The following SULF2 variants were observed in gnomAD, a reference collection of about 807,000 sequenced individuals.
SULF2 encodes the protein extracellular sulfatase Sulf-2.
SULF2 carries 52 observed loss-of-function variants against 107.7 expected under a neutral mutation model. The observed-to-expected ratio is 0.48, with a 90% CI of 0.39 to 0.61. SULF2 has a LOEUF of 0.61. Among genes scored for constraint, SULF2 ranks in the 20% least tolerant of loss-of-function variants. The pLI is 0.00. For missense variants in SULF2, 993 were observed against 1,177.3 expected, an observed-to-expected ratio of 0.84 and a Z score of 2.29; for synonymous variants, 460 against 464.3, an observed-to-expected ratio of 0.99 and a Z score of 0.12.
chr20:47,729,868 C>A (rs2089547383), intron 3 of SULF2, among the ~76,000 whole-genome samples: 2 of 152,154 alleles, frequency 1.3e-5, no homozygotes, highest in Admixed American at 1.3e-4. Context: ...GAGGACGGCC[C>A]ACGCAGCAGC....
At chr20:47,772,768 T>C (rs1295666470) in intron 1 of SULF2, among the ~76,000 whole-genome samples, 1 of 152,138 alleles carries the variant, frequency 6.6e-6, no homozygotes, top group Non-Finnish European at 1.5e-5. Context: ...TTACGCCCTG[T>C]GCGTGGACGG....
At chr20:47,660,799 C>G (rs2087040214) in intron 18 of SULF2, among the ~76,000 whole-genome samples, 1 of 151,996 alleles carries the variant, frequency 6.6e-6, no homozygotes, top group African/African-American at 2.4e-5. Context: ...AAATATCTAT[C>G]TGGTTGGCAT....
chr20:47,729,932 A>G (rs1227972547), intron 3 of SULF2, among the ~76,000 whole-genome samples: 1 of 152,210 alleles, frequency 6.6e-6, no homozygotes, highest in African/African-American at 2.4e-5. Flanking sequence ...AACAAGTCTC[A>G]TTTGTTGGGG....
chr20:47,670,089 T>G (rs1375593566), intron 11 of SULF2, among the ~76,000 whole-genome samples: 2 of 152,172 alleles, frequency 1.3e-5, no homozygotes, highest in Non-Finnish European at 2.9e-5. Flanking sequence ...GATGAAGACA[T>G]TTGCTGCCTG....
At chr20:47,715,311 T>TC (rs1011724289) in intron 3 of SULF2, among the ~76,000 whole-genome samples, 1 of 151,944 alleles carries the variant, frequency 6.6e-6, no homozygotes, top group African/African-American at 2.4e-5. Flanking sequence ...CTCTCCCCTT[T>TC]CCCCCGACAT....
intron 10 of SULF2, among the ~76,000 whole-genome samples, chr20:47,674,740 G>T (rs77513685): frequency 0.22 from 33,353 of 152,096 alleles, 3,780 homozygotes; most frequent in Admixed American, 0.25. Context: ...GCTATGGCTG[G>T]GTGTGAGGCC....
chr20:47,782,503 C>G (rs1001203820), intron 1 of SULF2, among the ~76,000 whole-genome samples: 12 of 152,168 alleles, frequency 7.9e-5, no homozygotes, highest in Middle Eastern at 3.2e-3. Context: ...TTGAGAGAGG[C>G]CCCCATCTTC....
intron 3 of SULF2, among the ~76,000 whole-genome samples, chr20:47,725,016 A>C (rs1355121030): frequency 6.6e-6 from 1 of 152,250 alleles, no homozygotes; most frequent in African/African-American, 2.4e-5. Context: ...TAATGAAGAT[A>C]AATTTCAATA....
At chr20:47,768,734 A>C (rs557191766) in intron 1 of SULF2, among the ~76,000 whole-genome samples, 1 of 152,308 alleles carries the variant, frequency 6.6e-6, no homozygotes, top group East Asian at 1.9e-4. Context: ...CCTGGCTGTG[A>C]CTTGGGCCTT....
At chr20:47,765,371 C>CAAA (rs11478422) in intron 1 of SULF2, among the ~76,000 whole-genome samples, 2 of 138,262 alleles carry the variant, frequency 1.4e-5, no homozygotes, top group Non-Finnish European at 1.6e-5. Flanking sequence ...CAAAACAAAA[C>CAAA]AAAAAAAAAA....
rs1209445943 is a variant in SULF2, at chr20:47,672,412, C to T, written c.1381-19G>A. ...GCCACTTCTGAAAGACATGCCAGGG[C>T]CTCGGCCAGCTGCTCATCTGCTCCC... is the stretch of plus-strand genomic sequence containing the variant. On this transcript the variant is annotated intron_variant, in intron 10 of 20. Coordinates refer to ENST00000688720, the MANE Select transcript of SULF2 (RefSeq NM_001387048.1). The T allele has an allele frequency of 5.1e-6, 8 of 1,565,978 alleles. No individual in the cohort carries two copies. Among genetic ancestry groups the T allele is most frequent in the South Asian group, 1.2e-5 (1 of 85,890 alleles).
intron 4 of SULF2, among the ~76,000 whole-genome samples, chr20:47,701,690 A>G (rs999697791): frequency 9.2e-5 from 14 of 152,260 alleles, no homozygotes; most frequent in African/African-American, 3.4e-4. Flanking sequence ...CAATAAAAGT[A>G]GAAGAAATAA....
At chr20:47,774,214 C>T (rs1039196242) in intron 1 of SULF2, among the ~76,000 whole-genome samples, 4 of 152,182 alleles carry the variant, frequency 2.6e-5, no homozygotes, top group East Asian at 1.9e-4. Context: ...AATTAGCAGC[C>T]GGAAATAGAC....
intron 2 of SULF2, among the ~76,000 whole-genome samples, chr20:47,740,840 G>C (rs751409340): frequency 2.6e-5 from 4 of 151,974 alleles, no homozygotes; most frequent in Admixed American, 6.6e-5. Flanking sequence ...TTCGGCTGTC[G>C]ATTAGACCTC....
In SULF2 at chr20:47,676,632, C is replaced by CA; in HGVS notation, c.1251-10dup. On this transcript the variant is annotated splice_polypyrimidine_tract_variant and intron_variant, in intron 9 of 20. Coordinates refer to ENST00000688720, the MANE Select transcript of SULF2 (RefSeq NM_001387048.1). ...TCTTGTGTAGCAGCTTGCTATGGGG[C>CA]AGAGAGCAGGAGCCGCGGGGCCGGC... 1 of 1,549,710 alleles carries CA rather than the reference C, an allele frequency of 6.5e-7. No individual in the cohort carries two copies. The highest frequency in any genetic ancestry group is 8.7e-7 in the Non-Finnish European group (1 of 1,147,220).
intron 1 of SULF2, among the ~76,000 whole-genome samples, chr20:47,780,515 A>G (rs1041071452): frequency 1.2e-4 from 18 of 152,106 alleles, no homozygotes; most frequent in Non-Finnish European, 4.4e-5. Flanking sequence ...CAGCCTGCCT[A>G]AAGTTGCCTC....
At chr20:47,719,999 C>T (rs1358967962) in intron 3 of SULF2, among the ~76,000 whole-genome samples, 1 of 152,136 alleles carries the variant, frequency 6.6e-6, no homozygotes, top group East Asian at 1.9e-4. Flanking sequence ...GCTCTGTTGC[C>T]CAGGATGGAG....
intron 2 of SULF2, among the ~76,000 whole-genome samples, chr20:47,749,009 G>T (rs999182434): frequency 6.2e-5 from 9 of 146,256 alleles, no homozygotes; most frequent in Admixed American, 1.4e-4. Context: ...TTCTGAAGTG[G>T]TTTTTTTTTT....
rs1382114271 is a variant in SULF2 at position 47,722,350 on chromosome 20, G to A, written c.415+14353C>T. Among the ~76,000 whole-genome samples, 3 of 152,040 alleles carry A rather than the reference G, an allele frequency of 2.0e-5. No homozygotes were observed. In the East Asian group the frequency reaches 5.8e-4, roughly 30 times the overall value. On this transcript the variant is annotated intron_variant, in intron 3 of 20. Coordinates refer to ENST00000688720, the MANE Select transcript of SULF2 (RefSeq NM_001387048.1). ...ATCATGGCTCCCTGCGGCCTTAAAG[G>A]CCTGGGCTTAAGTGATCCTCCCATC... is the stretch of plus-strand genomic sequence containing the variant.
Sources: allele counts gnomAD v4.1 joint callset (sites outside exome capture counted in the v4.1 genomes callset), GRCh38; gene constraint gnomAD v4.1.1; transcripts MANE v1.5; gene names NCBI Gene and HGNC (gene_info 2026-07-23, HGNC 2026-07-21).